The following NCKAP5 variants were observed in gnomAD, a reference collection of about 807,000 sequenced individuals.
NCKAP5 encodes the protein NCK associated protein 5, also known as nck-associated protein 5.
NCKAP5 carries 92 observed loss-of-function variants against 167.0 expected under a neutral mutation model. The observed-to-expected ratio is 0.55, with a 90% confidence interval of 0.47 to 0.66. The LOEUF is 0.66. Among genes scored for constraint, NCKAP5 ranks in the 30% least tolerant of loss-of-function variants. The pLI, the probability that NCKAP5 is intolerant of heterozygous loss-of-function variation, is 0.00. For missense variants in NCKAP5, 2,378 were observed against 2,315.0 expected (o/e 1.03, Z -0.56); for synonymous variants, 891 against 877.4 (o/e 1.02, Z -0.27).
chr2:133,369,033 T>C (rs1360716910), intron 3 of NCKAP5, among the ~76,000 whole-genome samples: 1 of 152,162 alleles, frequency 6.6e-6, no homozygotes, highest in East Asian at 1.9e-4. Context: ...TCTCTGCATA[T>C]GCTAGAGAGT....
intron 4 of NCKAP5, among the ~76,000 whole-genome samples, chr2:133,224,793 A>G (rs1460600745): frequency 1.3e-5 from 2 of 152,178 alleles, no homozygotes; most frequent in African/African-American, 4.8e-5. Context: ...AATTCGCCTA[A>G]TTTTAATACA....
chr2:132,921,999 T>C (rs1337109206), intron 8 of NCKAP5, among the ~76,000 whole-genome samples: 1 of 152,098 alleles, frequency 6.6e-6, no homozygotes, highest in Non-Finnish European at 1.5e-5. Context: ...GGTCTAGAAA[T>C]GTTGGCCATT....
intron 19 of NCKAP5, among the ~76,000 whole-genome samples, chr2:132,723,378 G>T (rs1435808001): frequency 6.6e-6 from 1 of 150,658 alleles, no homozygotes; most frequent in East Asian, 2.0e-4. Context: ...TAGCCTGGTT[G>T]GTCTCGAACT....
In NCKAP5 at chr2:133,151,508, G is replaced by A. The variant is rs1402284020; in HGVS notation, c.208-21397C>T. ...GATTTGAAAGAACACCTCACCAAAG[G>A]TACGCAGAGGGCAAGTAAAAATATG... On this transcript the variant is annotated intron_variant, in intron 5 of 19. Transcript: ENST00000409261. Among the ~76,000 whole-genome samples, 12 of 152,178 alleles carry A rather than the reference G, an allele frequency of 7.9e-5. No homozygotes were observed. The East Asian group carries it at 1.2e-3, about 15-fold the overall frequency.
chr2:132,962,558 C>A (rs1049845480), intron 8 of NCKAP5, among the ~76,000 whole-genome samples: 2 of 151,838 alleles, frequency 1.3e-5, no homozygotes, highest in African/African-American at 2.4e-5. Flanking sequence ...AGAAAGCAAG[C>A]ATAGAAAACA....
At chr2:133,024,780 T>C (rs2078639724) in intron 6 of NCKAP5, among the ~76,000 whole-genome samples, 2 of 152,220 alleles carry the variant, frequency 1.3e-5, no homozygotes, top group African/African-American at 2.4e-5. Context: ...ATCAACTTTA[T>C]ATGAATAACA....
chr2:132,722,940 C>T (rs571628047), intron 19 of NCKAP5, among the ~76,000 whole-genome samples: 11 of 152,064 alleles, frequency 7.2e-5, no homozygotes, highest in South Asian at 4.1e-4. Flanking sequence ...CTTCCTCTCC[C>T]GAGTAGCTGG....
chr2:133,486,754 T>C (rs1195366269), intron 3 of NCKAP5, among the ~76,000 whole-genome samples: 2 of 152,208 alleles, frequency 1.3e-5, no homozygotes, highest in African/African-American at 4.8e-5. Flanking sequence ...TGTAACTAAA[T>C]AGTGTCAGGC....
rs375636913 is a variant in NCKAP5, at chr2:133,458,215, A to T, written c.69+59243T>A. ...TACCAGCTAGAGTAACGTTTACTGG[A>T]TTAGCGAAAATCTACTAGCTGTTGG... is the stretch of plus-strand genomic sequence containing the variant. On this transcript the variant is annotated intron_variant, in intron 3 of 19. Coordinates refer to ENST00000409261, the MANE Select transcript of NCKAP5 (RefSeq NM_207363.3). 1.2e-4 allele frequency among the ~76,000 whole-genome samples: 18 copies of T among 152,324 alleles called. No homozygotes were observed. The East Asian group carries it at 2.7e-3, about 23-fold the overall frequency.
intron 5 of NCKAP5, among the ~76,000 whole-genome samples, chr2:133,168,418 C>A (rs2084095451): frequency 2.0e-5 from 3 of 152,078 alleles, no homozygotes; most frequent in Admixed American, 1.3e-4. Flanking sequence ...ACAGAGGTGT[C>A]CGCACTGTTT....
chr2:133,090,591 T>C (rs1382117573), intron 6 of NCKAP5, among the ~76,000 whole-genome samples: 2 of 152,128 alleles, frequency 1.3e-5, no homozygotes, highest in African/African-American at 2.4e-5. Flanking sequence ...ACATCTGGCC[T>C]CCAGAACTGT....
At chr2:133,311,473 G>A (rs1266771483) in intron 3 of NCKAP5, among the ~76,000 whole-genome samples, 2 of 152,124 alleles carry the variant, frequency 1.3e-5, no homozygotes, top group African/African-American at 2.4e-5. Flanking sequence ...TTTTATGGAG[G>A]ATGTATTAGG....
chr2:132,876,325 TG>T (rs1453468453), intron 9 of NCKAP5, among the ~76,000 whole-genome samples: 1 of 152,112 alleles, frequency 6.6e-6, no homozygotes, highest in African/African-American at 2.4e-5. Context: ...CTTAAACTTC[TG>T]GGCTCAAGTA....
chr2:133,610,538 C>T, the NCKAP5 span, among the ~76,000 whole-genome samples: 1 of 152,272 alleles, frequency 6.6e-6, no homozygotes. Flanking sequence ...GTGTTCCCTC[C>T]TGCCTGTGCT....
chr2:133,080,795 G>A lies in NCKAP5; in HGVS notation c.341+49183C>T, dbSNP rs571100807. 4.9e-4 allele frequency among the ~76,000 whole-genome samples: 74 copies of A among 152,264 alleles called. No individual in the cohort carries two copies. In the South Asian group the frequency reaches 0.014, roughly 28 times the overall value. On this transcript the variant is annotated intron_variant, in intron 6 of 19. Transcript: ENST00000409261. ...GTAAAAATTAGCCGAAAAAGGTACC[G>A]TGGCATTAGGAGTCGAGTACTGTAA...
intron 11 of NCKAP5, among the ~76,000 whole-genome samples, chr2:132,813,786 A>C (rs1357560732): frequency 2.0e-5 from 3 of 152,210 alleles, no homozygotes; most frequent in African/African-American, 7.2e-5. Flanking sequence ...GAACCAAAAA[A>C]AATTATGTAG....
intron 6 of NCKAP5, among the ~76,000 whole-genome samples, chr2:133,010,296 C>T (rs755752886): frequency 3.3e-5 from 5 of 152,114 alleles, no homozygotes; most frequent in African/African-American, 4.8e-5. Flanking sequence ...AGTAAGAGCG[C>T]TTCATTTTAG....
At chr2:133,602,396 A>C in the NCKAP5 span, among the ~76,000 whole-genome samples, 1 of 152,110 alleles carries the variant, frequency 6.6e-6, no homozygotes, top group African/African-American at 2.4e-5. Flanking sequence ...GAGGCTGGGG[A>C]GCTGAGGCTG....
At chr2:133,072,270 G>A (rs2080440266) in intron 6 of NCKAP5, among the ~76,000 whole-genome samples, 1 of 152,080 alleles carries the variant, frequency 6.6e-6, no homozygotes, top group Non-Finnish European at 1.5e-5. Context: ...ATTTTTAGTA[G>A]AGATGGGGTT....
Sources: gnomAD v4.1 joint callset for allele counts (sites outside exome capture counted in the v4.1 genomes callset) on GRCh38, gnomAD v4.1.1 for gene constraint, MANE v1.5 for transcripts, NCBI Gene and HGNC (gene_info 2026-07-23, HGNC 2026-07-21) for gene names.